SIPA1L1: variants seen among roughly 807,000 people sequenced by gnomAD.
SIPA1L1 encodes the protein signal induced proliferation associated 1 like 1.
In SIPA1L1, 26 loss-of-function variants were observed where a neutral mutation model predicts 162.7. That is an observed-to-expected ratio of 0.16 (90% CI 0.12 to 0.22). SIPA1L1 has a LOEUF of 0.22. Among genes scored for constraint, SIPA1L1 ranks in the 10% least tolerant of loss-of-function variants. The pLI is 1.00. For missense variants in SIPA1L1, 1,874 were observed against 2,241.0 expected, an observed-to-expected ratio of 0.84 and a Z score of 3.31; for synonymous variants, 829 against 837.4, an observed-to-expected ratio of 0.99 and a Z score of 0.17.
chr14:71,406,787 G>T (rs1378861103), intron 2 of SIPA1L1, among the ~76,000 whole-genome samples: 1 of 152,160 alleles, frequency 6.6e-6, no homozygotes, highest in Admixed American at 6.5e-5. Flanking sequence ...ATTGTTAGTT[G>T]TGTTGTGACC....
chr14:71,589,292 CTAGA>C lies in SIPA1L1; in HGVS notation c.1425_1428del (p.Asp475GlufsTer2), dbSNP rs760606275. ...GCCCAAGGAGAACTTGGTGTTGCAC[CTAGA>C]TAGAGTGAAAAGATACATCGTGGAA... On this transcript the variant is annotated frameshift_variant, in exon 5 of 24. Transcript: ENST00000381232. LOFTEE classifies it high-confidence loss of function. 2 of 1,613,734 alleles carry C rather than the reference CTAGA, an allele frequency of 1.2e-6. No homozygotes were observed. The highest frequency in any genetic ancestry group is 1.7e-6 in the Non-Finnish European group (2 of 1,179,862).
rs768891568 is a variant in SIPA1L1 at position 71,705,270 on chromosome 14, G to A, written c.3695G>A (p.Arg1232Gln). 2.0e-5 allele frequency: 32 copies of A among 1,614,042 alleles called. No homozygotes were observed. The highest frequency in any genetic ancestry group is 4.0e-5 in the African/African-American group (3 of 74,904). Residue 1232 changes from arginine (R) to glutamine (Q), a missense_variant, in exon 16 of 24, where the codon CGA becomes CAA. Transcript: ENST00000381232. ...GTATCAAAGGTACTGCCAGCTTTCCGAGAGAGCCCCAGTGGGAGATTAATG... is the reference window on the plus strand; with the variant it reads ...GTATCAAAGGTACTGCCAGCTTTCCAAGAGAGCCCCAGTGGGAGATTAATG... ...PAVSKVLPAF[R>Q]ESPSGRLMRQ...
intron 7 of SIPA1L1, among the ~76,000 whole-genome samples, chr14:71,640,586 A>G (rs2041608822): frequency 6.6e-6 from 1 of 152,196 alleles, no homozygotes. Flanking sequence ...AAGGCTTACT[A>G]GAGAACTCAA....
chr14:71,471,613 G>A (rs2047470019), intron 2 of SIPA1L1, among the ~76,000 whole-genome samples: 1 of 152,216 alleles, frequency 6.6e-6, no homozygotes, highest in Non-Finnish European at 1.5e-5. Flanking sequence ...ACAGAGAGAG[G>A]TGACAGGAAT....
chr14:71,631,680 A>T (rs2040584188), intron 7 of SIPA1L1, among the ~76,000 whole-genome samples: 1 of 152,240 alleles, frequency 6.6e-6, no homozygotes, highest in Admixed American at 6.5e-5. Flanking sequence ...GTGTACTTAT[A>T]TATAAATAAT....
chr14:71,652,940 C>G (rs1048356222), intron 8 of SIPA1L1, among the ~76,000 whole-genome samples: 1 of 151,890 alleles, frequency 6.6e-6, no homozygotes, highest in African/African-American at 2.4e-5. Context: ...TTTTCAGTTT[C>G]TTTTTTTAAT....
At chr14:71,365,558 C>G (rs1240950596) in intron 2 of SIPA1L1, among the ~76,000 whole-genome samples, 3 of 152,058 alleles carry the variant, frequency 2.0e-5, no homozygotes, top group Non-Finnish European at 4.4e-5. Flanking sequence ...TCTCTCTATC[C>G]CAGTGGAGCA....
intron 7 of SIPA1L1, among the ~76,000 whole-genome samples, chr14:71,633,858 A>G (rs75632544): frequency 0.018 from 2,750 of 152,286 alleles, 44 homozygotes; most frequent in Middle Eastern, 0.048. Flanking sequence ...AAAATATTTA[A>G]CAATTGTGTC....
chr14:71,474,010 A>C (rs1238830291), intron 2 of SIPA1L1, among the ~76,000 whole-genome samples: 1 of 152,200 alleles, frequency 6.6e-6, no homozygotes, highest in East Asian at 1.9e-4. Context: ...TCCATAGTGC[A>C]AAGGGTCCTG....
intron 2 of SIPA1L1, among the ~76,000 whole-genome samples, chr14:71,332,443 T>C (rs1300284793): frequency 1.3e-5 from 2 of 152,128 alleles, no homozygotes; most frequent in Non-Finnish European, 2.9e-5. Flanking sequence ...CTATATTAAA[T>C]ATTATTTATA....
At chr14:71,690,570 C>T (rs1164966306) in intron 13 of SIPA1L1, among the ~76,000 whole-genome samples, 1 of 152,134 alleles carries the variant, frequency 6.6e-6, no homozygotes, top group African/African-American at 2.4e-5. Context: ...TCTAAAGCTT[C>T]TGGATGGTGT....
intron 2 of SIPA1L1, among the ~76,000 whole-genome samples, chr14:71,507,071 T>C (rs1419823502): frequency 6.6e-6 from 1 of 152,242 alleles, no homozygotes; most frequent in East Asian, 1.9e-4. Flanking sequence ...TTACGCTTAT[T>C]CACAGTCTGA....
intron 12 of SIPA1L1, among the ~76,000 whole-genome samples, chr14:71,675,305 C>T (rs564228206): frequency 3.2e-4 from 49 of 152,326 alleles, no homozygotes; most frequent in African/African-American, 1.1e-3. Flanking sequence ...AGGATTAGTG[C>T]ACTGCACAGC....
chr14:71,465,921 G>A (rs868700120), intron 2 of SIPA1L1, among the ~76,000 whole-genome samples: 1 of 152,088 alleles, frequency 6.6e-6, no homozygotes, highest in Non-Finnish European at 1.5e-5. Flanking sequence ...GGCCAGTCTC[G>A]CCTTTTCACA....
intron 2 of SIPA1L1, among the ~76,000 whole-genome samples, chr14:71,353,020 A>T (rs1480157202): frequency 6.6e-6 from 1 of 152,260 alleles, no homozygotes; most frequent in Non-Finnish European, 1.5e-5. Flanking sequence ...TGGTTAAATG[A>T]CCATATACAT....
chr14:71,612,083 C>T (rs1349635575), intron 5 of SIPA1L1, among the ~76,000 whole-genome samples: 3 of 152,006 alleles, frequency 2.0e-5, no homozygotes, highest in African/African-American at 4.8e-5. Context: ...ATGATGAAGC[C>T]CAAGTCTGTC....
At chr14:71,354,365 C>T (rs1396119041) in intron 2 of SIPA1L1, among the ~76,000 whole-genome samples, 1 of 150,850 alleles carries the variant, frequency 6.6e-6, no homozygotes, top group Non-Finnish European at 1.5e-5. Flanking sequence ...GGAATCTCTG[C>T]CTCCCAGGTT....
chr14:71,442,056 C>T (rs2044911908), intron 2 of SIPA1L1, among the ~76,000 whole-genome samples: 1 of 151,172 alleles, frequency 6.6e-6, no homozygotes, highest in South Asian at 2.1e-4. Flanking sequence ...ACCTGTAGTC[C>T]CAGCTACTTA....
intron 6 of SIPA1L1, among the ~76,000 whole-genome samples, chr14:71,623,076 T>C (rs1188118079): frequency 2.6e-5 from 4 of 152,244 alleles, no homozygotes; most frequent in African/African-American, 4.8e-5. Flanking sequence ...GGCCTTTCTT[T>C]ATGCCCTGAG....
Sources: gnomAD v4.1 joint callset for allele counts (sites outside exome capture counted in the v4.1 genomes callset) on GRCh38, gnomAD v4.1.1 for gene constraint, MANE v1.5 for transcripts, NCBI Gene and HGNC (gene_info 2026-07-23, HGNC 2026-07-21) for gene names.